The following NAALADL2 variants were observed in gnomAD, a reference collection of about 807,000 sequenced individuals.
NAALADL2 encodes the protein inactive N-acetylated-alpha-linked acidic dipeptidase-like protein 2.
NAALADL2 carries 76 observed loss-of-function variants against 87.2 expected under a neutral mutation model. The observed-to-expected ratio is 0.87, with a 90% CI of 0.72 to 1.05. The LOEUF is 1.05. NAALADL2 is among the 50% of genes least tolerant of loss of function. The probability of loss-of-function intolerance (pLI) is 0.00; values close to 1 mark genes in which losing one functional copy is unlikely to be tolerated. For missense variants in NAALADL2, 1,089 were observed against 945.8 expected (o/e 1.15, Z -1.99); for synonymous variants, 354 against 331.0 (o/e 1.07, Z -0.75).
chr3:174,685,579 G>A (rs555791112), intron 2 of NAALADL2, among the ~76,000 whole-genome samples: 5 of 152,166 alleles, frequency 3.3e-5, no homozygotes, highest in South Asian at 4.1e-4. Flanking sequence ...GTTTGGTGAC[G>A]ATGTTATAAC....
intron 1 of NAALADL2, among the ~76,000 whole-genome samples, chr3:174,967,708 G>A (rs2108591519): frequency 6.6e-6 from 1 of 152,294 alleles, no homozygotes; most frequent in Non-Finnish European, 1.5e-5. Context: ...TGTGATTGAG[G>A]CGACCTTGGA....
intron 8 of NAALADL2, among the ~76,000 whole-genome samples, chr3:175,469,082 T>G (rs1253788733): frequency 6.6e-6 from 1 of 152,066 alleles, no homozygotes; most frequent in African/African-American, 2.4e-5. Context: ...GTATTTACAT[T>G]TAGCAAGTGA....
intron 10 of NAALADL2, among the ~76,000 whole-genome samples, chr3:175,599,032 C>T (rs564360002): frequency 1.3e-5 from 2 of 152,216 alleles, no homozygotes; most frequent in South Asian, 4.1e-4. Flanking sequence ...TGTTACTTAG[C>T]GCCTTGGAAG....
intron 10 of NAALADL2, among the ~76,000 whole-genome samples, chr3:175,580,063 T>C (rs563918800): frequency 1.3e-5 from 2 of 152,310 alleles, no homozygotes; most frequent in South Asian, 2.1e-4. Context: ...AAGAGTATTA[T>C]AGCTTTTATG....
chr3:174,697,273 G>T (rs1360291630), intron 2 of NAALADL2, among the ~76,000 whole-genome samples: 1 of 152,084 alleles, frequency 6.6e-6, no homozygotes, highest in East Asian at 1.9e-4. Context: ...TTCTTAGAAA[G>T]ATGATCAAAA....
At chr3:175,141,452 A>C (rs1332167153) in intron 2 of NAALADL2, among the ~76,000 whole-genome samples, 1 of 152,130 alleles carries the variant, frequency 6.6e-6, no homozygotes. Context: ...AGAGAAGGTG[A>C]AGACAGGAGT....
At chr3:174,607,163 T>C (rs1443077586) in intron 2 of NAALADL2, among the ~76,000 whole-genome samples, 1 of 151,680 alleles carries the variant, frequency 6.6e-6, no homozygotes, top group African/African-American at 2.4e-5. Flanking sequence ...GCTCCTGAAG[T>C]AAGTACTAAA....
At chr3:175,465,196 G>C (rs1723795520) in intron 7 of NAALADL2, among the ~76,000 whole-genome samples, 2 of 148,806 alleles carry the variant, frequency 1.3e-5, no homozygotes, top group African/African-American at 5.0e-5. Flanking sequence ...AGCTTGCAGT[G>C]AGCAGAGATC....
chr3:175,265,681 T>A (rs1751808438), intron 4 of NAALADL2, among the ~76,000 whole-genome samples: 1 of 151,582 alleles, frequency 6.6e-6, no homozygotes, highest in Admixed American at 6.6e-5. Context: ...GGGAAAAAAA[T>A]ACTTCTCCCT....
intron 2 of NAALADL2, among the ~76,000 whole-genome samples, chr3:174,719,640 C>G (rs980243750): frequency 6.6e-6 from 1 of 152,102 alleles, no homozygotes; most frequent in Non-Finnish European, 1.5e-5. Context: ...TATTTGTTCA[C>G]TTTTAATTTT....
chr3:174,727,042 A>G (rs1313511552), intron 2 of NAALADL2, among the ~76,000 whole-genome samples: 1 of 152,100 alleles, frequency 6.6e-6, no homozygotes, highest in Non-Finnish European at 1.5e-5. Context: ...TCTAGGGATG[A>G]ATCAGGAAAT....
chr3:175,582,784 C>T (rs919067405), intron 10 of NAALADL2, among the ~76,000 whole-genome samples: 3 of 152,160 alleles, frequency 2.0e-5, no homozygotes, highest in Admixed American at 6.5e-5. Context: ...AAAGTAAGTA[C>T]AATAGAAGTT....
intron 9 of NAALADL2, among the ~76,000 whole-genome samples, chr3:175,562,507 T>A (rs1312375154): frequency 6.6e-6 from 1 of 151,960 alleles, no homozygotes; most frequent in East Asian, 1.9e-4. Flanking sequence ...TTTGATACTA[T>A]TTTTTCTTGT....
chr3:175,611,916 A>G (rs1439665987), intron 10 of NAALADL2, among the ~76,000 whole-genome samples: 1 of 152,192 alleles, frequency 6.6e-6, no homozygotes, highest in Non-Finnish European at 1.5e-5. Flanking sequence ...AGTGAATTGC[A>G]GAATTAATTT....
chr3:174,451,348 G>A (rs1715466511), intron 1 of NAALADL2, among the ~76,000 whole-genome samples: 1 of 152,140 alleles, frequency 6.6e-6, no homozygotes, highest in African/African-American at 2.4e-5. Context: ...CTTTTAAGAA[G>A]GTGGCTGTTC....
chr3:175,096,099 T>A (rs1000596938), intron 1 of NAALADL2, among the ~76,000 whole-genome samples: 1 of 152,092 alleles, frequency 6.6e-6, no homozygotes, highest in African/African-American at 2.4e-5. Flanking sequence ...TTATTTAAAA[T>A]TCACCGAGCC....
intron 12 of NAALADL2, among the ~76,000 whole-genome samples, chr3:175,746,171 T>C (rs1181394407): frequency 2.6e-5 from 4 of 152,030 alleles, no homozygotes; most frequent in Admixed American, 2.6e-4. Context: ...TTTTCTTTTT[T>C]TTTTCATTAG....
intron 2 of NAALADL2, among the ~76,000 whole-genome samples, chr3:174,628,103 C>T (rs1227306771): frequency 6.6e-6 from 1 of 152,124 alleles, no homozygotes; most frequent in East Asian, 1.9e-4. Context: ...ATAAATTAAA[C>T]ATAATTGTTG....
intron 5 of NAALADL2, among the ~76,000 whole-genome samples, chr3:175,350,237 A>T (rs1452234942): frequency 3.3e-5 from 5 of 152,192 alleles, no homozygotes; most frequent in Non-Finnish European, 7.3e-5. Flanking sequence ...ATTAGACAAG[A>T]TAAAGCAATA....
Sources: gnomAD v4.1 joint callset for allele counts (sites outside exome capture counted in the v4.1 genomes callset) on GRCh38, gnomAD v4.1.1 for gene constraint, MANE v1.5 for transcripts, NCBI Gene and HGNC (gene_info 2026-07-23, HGNC 2026-07-21) for gene names.